The following ERBIN variants were observed in gnomAD, a reference collection of about 807,000 sequenced individuals.
ERBIN encodes densin-180-like protein.
Under a neutral mutation model 158.4 loss-of-function variants are expected in ERBIN, and 60 were observed. The observed-to-expected ratio is 0.38, with a 90% confidence interval of 0.31 to 0.47. The LOEUF is 0.47. Ranked by LOEUF, ERBIN falls within the 20% of genes least tolerant of loss-of-function variation. The pLI, the probability that ERBIN is intolerant of heterozygous loss-of-function variation, is 0.99. For missense variants in ERBIN, 1,610 were observed against 1,648.0 expected, an observed-to-expected ratio of 0.98 and a Z score of 0.40; for synonymous variants, 594 against 557.2, an observed-to-expected ratio of 1.07 and a Z score of -0.93.
At chr5:66,067,476 G>GA (rs1486926790) in intron 21 of ERBIN, among the ~76,000 whole-genome samples, 14 of 152,186 alleles carry the variant, frequency 9.2e-5, no homozygotes, top group African/African-American at 3.4e-4. Context: ...TCACATGGAA[G>GA]AACGGCAGTT....
intron 1 of ERBIN, among the ~76,000 whole-genome samples, chr5:65,970,297 A>T (rs402100): frequency 6.6e-6 from 1 of 151,978 alleles, no homozygotes; most frequent in Non-Finnish European, 1.5e-5. Context: ...AAATTAGACT[A>T]TGTCCCTCCT....
intron 21 of ERBIN, among the ~76,000 whole-genome samples, chr5:66,064,432 A>G (rs1228607461): frequency 6.6e-6 from 1 of 151,226 alleles, no homozygotes; most frequent in African/African-American, 2.4e-5. Context: ...CAATTTTCAC[A>G]TGAGTCCTGT....
chr5:66,055,437 A>G (rs1759492444), intron 21 of ERBIN, among the ~76,000 whole-genome samples: 1 of 152,172 alleles, frequency 6.6e-6, no homozygotes, highest in Admixed American at 6.5e-5. Context: ...CATGGCATTT[A>G]TTCTTAACTT....
At chr5:66,026,121 A>G in intron 12 of ERBIN, 144 bp downstream of exon 12, 1 of 828,350 alleles carries the variant, frequency 1.2e-6, no homozygotes, top group Non-Finnish European at 1.8e-6. Context: ...AGCTATGTTA[A>G]TTTAGAAGAG....
chr5:65,970,734 G>C (rs888847498), intron 1 of ERBIN, among the ~76,000 whole-genome samples: 3 of 152,050 alleles, frequency 2.0e-5, no homozygotes, highest in Non-Finnish European at 1.5e-5. Context: ...GGCTACAGAC[G>C]TACACCAGCA....
At chr5:66,063,834 T>C (rs1450415693) in intron 21 of ERBIN, among the ~76,000 whole-genome samples, 1 of 152,216 alleles carries the variant, frequency 6.6e-6, no homozygotes, top group Non-Finnish European at 1.5e-5. Context: ...ACAATACCAA[T>C]AAAATGTCAA....
intron 4 of ERBIN, among the ~76,000 whole-genome samples, chr5:66,009,279 TAAA>T (rs1298439356): frequency 6.6e-6 from 1 of 152,188 alleles, no homozygotes; most frequent in Admixed American, 6.5e-5. Flanking sequence ...AATGATCACT[TAAA>T]AACAATTGTT....
At chr5:66,050,989 T>A (rs1758963592) in intron 20 of ERBIN, 23 bp downstream of exon 20, 2 of 1,495,928 alleles carry the variant, frequency 1.3e-6, no homozygotes, top group Admixed American at 2.0e-5. Context: ...CTTTTACAGT[T>A]TTTTATTTAT....
intron 1 of ERBIN, among the ~76,000 whole-genome samples, chr5:65,935,888 C>T (rs1380858190): frequency 6.6e-6 from 1 of 152,122 alleles, no homozygotes; most frequent in South Asian, 2.1e-4. Context: ...CCACGCCCAG[C>T]TAATTTTTCT....
chr5:66,064,483 G>A (rs1379669970), intron 21 of ERBIN, among the ~76,000 whole-genome samples: 2 of 152,156 alleles, frequency 1.3e-5, no homozygotes, highest in African/African-American at 2.4e-5. Flanking sequence ...AGGAAATTTA[G>A]GCACAGAAGA....
chr5:65,954,940 A>C (rs368914136), intron 1 of ERBIN, among the ~76,000 whole-genome samples: 1 of 151,766 alleles, frequency 6.6e-6, no homozygotes. Flanking sequence ...TGGTGGGCGC[A>C]TGTAATCCCA....
chr5:66,048,722 C>T lies in ERBIN; in HGVS notation c.1844C>T (p.Pro615Leu), dbSNP rs752203128. ...ATGAAAATGGCGGAGATGCGACCAC[C>T]ATTAATTGAAACCTCTATTAACCAG... ...EEMKMAEMRP[P>L]LIETSINQPK... Residue 615 changes from proline (P) to leucine (L), a missense_variant, in exon 19 of 26, where the codon CCA becomes CTA. Transcript: ENST00000284037. 4 of 1,608,810 alleles carry T rather than the reference C, an allele frequency of 2.5e-6. No homozygotes were observed. The African/African-American group carries it at 5.4e-5, about 22-fold the overall frequency.
chr5:66,058,967 C>G (rs1479544186), intron 21 of ERBIN, among the ~76,000 whole-genome samples: 2 of 152,098 alleles, frequency 1.3e-5, no homozygotes, highest in African/African-American at 4.8e-5. Flanking sequence ...AGTCAGGTAG[C>G]GTGATGCCTC....
chr5:65,979,818 G>A lies in ERBIN; in HGVS notation c.-57-8817G>A, dbSNP rs79434261. 2.6e-3 allele frequency among the ~76,000 whole-genome samples: 397 copies of A among 152,210 alleles called. 2 individuals are homozygous for A. Among genetic ancestry groups the A allele is most frequent in the African/African-American group, 9.1e-3 (377 of 41,516 alleles). On this transcript the variant is annotated intron_variant, in intron 1 of 25. Coordinates refer to ENST00000284037, the MANE Select transcript of ERBIN (RefSeq NM_001253697.2). ...ATCTTCTAGTTTTTAAATTTATATC[G>A]ATGACAGTGGATAGCACAAAGACAA...
chr5:65,926,969 G>A (rs1468692912), intron 1 of ERBIN, among the ~76,000 whole-genome samples, 163 bp downstream of exon 1: 1 of 151,988 alleles, frequency 6.6e-6, no homozygotes, highest in Non-Finnish European at 1.5e-5. Context: ...TAATCGAACT[G>A]CACCCCACCG....
In ERBIN at chr5:66,018,515, AT is replaced by A. The variant is rs1755168947; in HGVS notation, c.534-2806del. 2.5e-4 allele frequency among the ~76,000 whole-genome samples: 2 copies of A among 8,040 alleles called. 1 individual carries two copies. The highest frequency in any genetic ancestry group is 4.6e-4 in the Non-Finnish European group (2 of 4,372). The allele number at this position is 8,040 out of a possible 152,430, so 5.3% of individuals were successfully genotyped here. A position where few individuals can be genotyped will look rare whatever the true frequency, so the allele number is the denominator to read the frequency against. ...TATTATATAATATATATTATATATT[AT>A]ATAATATATATTATATTATATAATA... is the stretch of plus-strand genomic sequence containing the variant. On this transcript the variant is annotated intron_variant, in intron 7 of 25. Transcript: ENST00000284037.
chr5:66,025,661 T>A, intron 11 of ERBIN, 109 bp downstream of exon 11: 2 of 966,946 alleles, frequency 2.1e-6, no homozygotes, highest in South Asian at 1.5e-5. Context: ...TGTAAACATT[T>A]AAGTAATTAG....
At chr5:66,024,263 C>T in intron 9 of ERBIN, 43 bp from the exon 10 acceptor site, 1 of 1,290,546 alleles carries the variant, frequency 7.7e-7, no homozygotes, top group Non-Finnish European at 1.1e-6. Flanking sequence ...TTACAAATTA[C>T]TAATGTTAAT....
chr5:66,016,755 A>G (rs999872329), intron 7 of ERBIN, among the ~76,000 whole-genome samples: 2 of 151,872 alleles, frequency 1.3e-5, no homozygotes, highest in African/African-American at 2.4e-5. Flanking sequence ...CTGGGACTAT[A>G]AGCATGTACC....
Sources: allele counts gnomAD v4.1 joint callset (sites outside exome capture counted in the v4.1 genomes callset), GRCh38; gene constraint gnomAD v4.1.1; transcripts MANE v1.5; gene names NCBI Gene and HGNC (gene_info 2026-07-23, HGNC 2026-07-21).